TUBA1C: variants seen among roughly 807,000 people sequenced by gnomAD.
The protein encoded by TUBA1C is tubulin alpha 1c.
In TUBA1C, 16 loss-of-function variants were observed where a neutral mutation model predicts 34.9. The ratio of observed to expected loss-of-function variants is 0.46; its 90% CI spans 0.31 to 0.70. The LOEUF is 0.70. Ranked by LOEUF, TUBA1C falls within the 30% of genes least tolerant of loss-of-function variation. The pLI, the probability that TUBA1C is intolerant of heterozygous loss-of-function variation, is 0.05. For synonymous variants in TUBA1C, 177 were observed against 215.9 expected (o/e 0.82, Z 1.58); for missense variants, 329 against 587.3 (o/e 0.56, Z 4.55).
chr12:49,261,829 G>A (rs1332831880), upstream of TUBA1C, among the ~76,000 whole-genome samples: 2 of 152,188 alleles, frequency 1.3e-5, no homozygotes, highest in Non-Finnish European at 2.9e-5. Flanking sequence ...TAAAGCCCAA[G>A]AAAGCTGCAG....
chr12:49,235,103 A>G (rs1413637037), intron 1 of TUBA1C, among the ~76,000 whole-genome samples: 1 of 148,786 alleles, frequency 6.7e-6, no homozygotes, highest in Non-Finnish European at 1.5e-5. Context: ...GGCGTGAGCG[A>G]CTGCGCCCGG....
intron 1 of TUBA1C, among the ~76,000 whole-genome samples, chr12:49,230,740 C>T (rs1942487880): frequency 6.6e-6 from 1 of 152,140 alleles, no homozygotes; most frequent in African/African-American, 2.4e-5. Context: ...GGTTGCAAGG[C>T]TCAAAGCAGG....
At chr12:49,244,955 C>G (rs1390670963) in intron 1 of TUBA1C, among the ~76,000 whole-genome samples, 9 of 151,718 alleles carry the variant, frequency 5.9e-5, no homozygotes, top group Admixed American at 5.9e-4. Flanking sequence ...AGCTATTTAA[C>G]AGAAAAAAAA....
In TUBA1C at chr12:49,254,663, C is replaced by A. The variant is rs1655243525; in HGVS notation, c.214-14802C>A. On this transcript the variant is annotated intron_variant, in intron 1 of 3. Coordinates refer to the TUBA1C transcript ENST00000541364. ...GTTTACCAGTTTGGAACTCTGGGAA[C>A]CCGGTAGTTTAGGGATTTTTATGGA... is the stretch of plus-strand genomic sequence containing the variant. Among the ~76,000 whole-genome samples, 7 of 152,034 alleles carry A rather than the reference C, an allele frequency of 4.6e-5. No homozygotes were observed. The South Asian group carries it at 1.5e-3, about 32-fold the overall frequency.
chr12:49,270,493 G>C (rs746643076), intron 3 of TUBA1C, among the ~76,000 whole-genome samples: 23 of 152,212 alleles, frequency 1.5e-4, no homozygotes, highest in Non-Finnish European at 2.5e-4. Flanking sequence ...CATGTGGGCA[G>C]CTTGTAAGTA....
rs141509988 is a variant in TUBA1C, at chr12:49,274,067, A to G, written c.*840A>G. The G allele has an allele frequency of 6.6e-6, 1 of 152,354 alleles. No homozygotes were observed. Among genetic ancestry groups the G allele is most frequent in the East Asian group, 1.9e-4 (1 of 5,190 alleles). The allele number at this position is 152,354 out of a possible 1,614,324, so 9.4% of individuals were successfully genotyped here. A position where few individuals can be genotyped will look rare whatever the true frequency, so the allele number is the denominator to read the frequency against. ...ACGGAGACCCCTGACTCTCAAATTT[A>G]AAAACAAAATGCAGGTTCTAATTCT... On this transcript the variant is annotated 3_prime_UTR_variant, in exon 4 of 4. Coordinates refer to ENST00000301072, the MANE Select transcript of TUBA1C (RefSeq NM_032704.5).
Position 49,272,991 on chromosome 12 carries a change from C to G in TUBA1C, c.1114C>G (p.Gln372Glu). 6.2e-7 allele frequency: 1 copy of G among 1,614,240 alleles called. No individual in the cohort carries two copies. ...GCCTGGCGGAGACCTGGCCAAGGTA[C>G]AGAGAGCTGTGTGCATGCTGAGCAA... ...VVPGGDLAKV[Q>E]RAVCMLSNTT... The change falls in exon 4 of 4, where the codon CAG (glutamine) becomes GAG (glutamate). Residue 372 changes from glutamine to glutamate, a missense_variant. By Grantham distance (29) the Gln-to-Glu change is conservative. Around this residue, in one of 4 missense-constraint regions of TUBA1C, gnomAD observed 140 missense variants for 289.8 expected, o/e 0.48. Transcript: ENST00000301072.
intron 1 of TUBA1C, among the ~76,000 whole-genome samples, chr12:49,232,579 G>A (rs550390984): frequency 2.0e-5 from 3 of 152,278 alleles, no homozygotes; most frequent in Admixed American, 2.0e-4. Flanking sequence ...AAGGCGCTAT[G>A]TTAAATCCTT....
Position 49,272,979 on chromosome 12 carries a change from C to G in TUBA1C, c.1102C>G (p.Leu368Val). ...TCCCACTGTGGTGCCTGGCGGAGAC[C>G]TGGCCAAGGTACAGAGAGCTGTGTG... ...QPPTVVPGGD[L>V]AKVQRAVCML... The change falls in exon 4 of 4, where the codon CTG (leucine) becomes GTG (valine). Residue 368 changes from leucine to valine, a missense_variant. Physicochemically the swap from Leu to Val is conservative, Grantham distance 32. This residue lies in a region of TUBA1C where 140 missense variants were observed against 289.8 expected (regional missense o/e 0.48). Coordinates refer to ENST00000301072, the MANE Select transcript of TUBA1C (RefSeq NM_032704.5). The G allele has an allele frequency of 1.9e-6, 3 of 1,614,240 alleles. No homozygotes were observed. Among genetic ancestry groups the G allele is most frequent in the Non-Finnish European group, 2.5e-6 (3 of 1,180,046 alleles).
upstream of TUBA1C, among the ~76,000 whole-genome samples, chr12:49,262,909 A>G (rs1942855096): frequency 6.6e-6 from 1 of 152,176 alleles, no homozygotes; most frequent in Non-Finnish European, 1.5e-5. Flanking sequence ...CATAAAGGTT[A>G]AATGTTTAAC....
At chr12:49,267,334 T>G (rs1430420364) in intron 1 of TUBA1C, among the ~76,000 whole-genome samples, 1 of 152,218 alleles carries the variant, frequency 6.6e-6, no homozygotes, top group East Asian at 1.9e-4. Flanking sequence ...TCCAGCTTTT[T>G]GGGGCTTGGG....
At chr12:49,271,022 G>C (rs1049221939) in intron 3 of TUBA1C, among the ~76,000 whole-genome samples, 1 of 152,100 alleles carries the variant, frequency 6.6e-6, no homozygotes, top group Non-Finnish European at 1.5e-5. Context: ...TTAGTTATAA[G>C]CACTGACTTG....
At chr12:49,266,297 G>A (rs1407042084) in intron 1 of TUBA1C, among the ~76,000 whole-genome samples, 2 of 151,158 alleles carry the variant, frequency 1.3e-5, no homozygotes, top group Admixed American at 6.6e-5. Context: ...GGGCGTGGTG[G>A]CAGGCGCTTG....
At chr12:49,245,893 G>A (rs184814831) in intron 1 of TUBA1C, among the ~76,000 whole-genome samples, 1 of 152,180 alleles carries the variant, frequency 6.6e-6, no homozygotes, top group East Asian at 1.9e-4. Flanking sequence ...GCCTAAGATT[G>A]CCACATACTT....
At chr12:49,256,814 AT>A (rs201373570) in intron 1 of TUBA1C, among the ~76,000 whole-genome samples, 2,314 of 152,188 alleles carry the variant, frequency 0.015, 54 homozygotes, top group African/African-American at 0.053. Context: ...GATTTTGATG[AT>A]TTGGGGAAAT....
At chr12:49,238,031 C>G (rs1289008089) in intron 1 of TUBA1C, among the ~76,000 whole-genome samples, 1 of 151,516 alleles carries the variant, frequency 6.6e-6, no homozygotes, top group Non-Finnish European at 1.5e-5. Context: ...ATAGCTTGAA[C>G]CTGGGAGGCA....
chr12:49,244,740 C>G (rs1942650845), intron 1 of TUBA1C, among the ~76,000 whole-genome samples: 1 of 151,786 alleles, frequency 6.6e-6, no homozygotes, highest in African/African-American at 2.4e-5. Flanking sequence ...TGATCTTATC[C>G]CTGCATTCCC....
At chr12:49,234,671 C>G (rs1318600844) in intron 1 of TUBA1C, among the ~76,000 whole-genome samples, 1 of 152,170 alleles carries the variant, frequency 6.6e-6, no homozygotes, top group Non-Finnish European at 1.5e-5. Context: ...CCGCCGCGGC[C>G]CGGCGAGCGC....
chr12:49,230,571 CAGG>C (rs1486099186), intron 1 of TUBA1C, among the ~76,000 whole-genome samples: 2 of 152,184 alleles, frequency 1.3e-5, no homozygotes, highest in Admixed American at 1.3e-4. Context: ...AGAAAATGCA[CAGG>C]AGAAGACATC....
Sources: gnomAD v4.1 joint callset for allele counts (sites outside exome capture counted in the v4.1 genomes callset) on GRCh38, gnomAD v4.1.1 for gene constraint, gnomAD v4.1.1 regional missense constraint, MANE v1.5 for transcripts, NCBI Gene and HGNC (gene_info 2026-07-23, HGNC 2026-07-21) for gene names.